ARMC9: variants seen among roughly 807,000 people sequenced by gnomAD.
The protein encoded by ARMC9 is lisH domain-containing protein ARMC9.
In ARMC9, 94 loss-of-function variants were observed where a neutral mutation model predicts 107.0. The ratio of observed to expected loss-of-function variants is 0.88; its 90% CI spans 0.74 to 1.04. ARMC9 has a LOEUF of 1.04. Ranked by LOEUF, ARMC9 falls within the 50% of genes least tolerant of loss-of-function variation. The pLI, the probability that ARMC9 is intolerant of heterozygous loss-of-function variation, is 0.00. For missense variants in ARMC9, 942 were observed against 1,030.1 expected (o/e 0.91, Z 1.17); for synonymous variants, 380 against 396.9 (o/e 0.96, Z 0.51).
intron 19 of ARMC9, among the ~76,000 whole-genome samples, chr2:231,317,815 A>G (rs933617494): frequency 6.6e-6 from 1 of 151,826 alleles, no homozygotes; most frequent in Non-Finnish European, 1.5e-5. Context: ...TGTACTTTTC[A>G]GCTCTAGAAT....
At chr2:231,265,422 G>C (rs1326448172) in intron 12 of ARMC9, among the ~76,000 whole-genome samples, 3 of 152,158 alleles carry the variant, frequency 2.0e-5, no homozygotes, top group African/African-American at 7.2e-5. Context: ...GCCATAAAAA[G>C]GAATGAAATA....
intron 23 of ARMC9, among the ~76,000 whole-genome samples, chr2:231,365,639 G>C (rs73098126): frequency 0.12 from 17,957 of 152,062 alleles, 3,562 homozygotes; most frequent in African/African-American, 0.41. Flanking sequence ...ACAGAATACA[G>C]CAGATAAAGG....
chr2:231,326,648 G>A (rs951855889), intron 19 of ARMC9, among the ~76,000 whole-genome samples: 10 of 152,206 alleles, frequency 6.6e-5, no homozygotes, highest in Non-Finnish European at 1.2e-4. Flanking sequence ...TTCCCCCAGC[G>A]CAGCCCTAGG....
intron 2 of ARMC9, among the ~76,000 whole-genome samples, chr2:231,206,988 C>A (rs2032103303): frequency 6.6e-6 from 1 of 152,200 alleles, no homozygotes; most frequent in Non-Finnish European, 1.5e-5. Flanking sequence ...CGAATATATT[C>A]TTTTTTAAAA....
At chr2:231,230,655 A>G (rs2035124442) in intron 7 of ARMC9, among the ~76,000 whole-genome samples, 1 of 152,168 alleles carries the variant, frequency 6.6e-6, no homozygotes, top group Non-Finnish European at 1.5e-5. Context: ...AACTAAAATC[A>G]ACAGATGCTC....
intron 3 of ARMC9, among the ~76,000 whole-genome samples, chr2:231,212,168 CGT>C (rs1187971354): frequency 6.6e-6 from 1 of 152,152 alleles, no homozygotes; most frequent in Non-Finnish European, 1.5e-5. Context: ...ATATAAGAAG[CGT>C]GTGTGTCTAC....
chr2:231,369,000 C>T (rs2045916772), intron 23 of ARMC9, among the ~76,000 whole-genome samples: 1 of 152,216 alleles, frequency 6.6e-6, no homozygotes, highest in East Asian at 1.9e-4. Context: ...AAAAGAATCC[C>T]ACAGTCTCCT....
intron 1 of ARMC9, among the ~76,000 whole-genome samples, chr2:231,203,092 C>A (rs1298678475): frequency 1.3e-5 from 2 of 152,202 alleles, no homozygotes; most frequent in African/African-American, 4.8e-5. Context: ...GAAGTCCCTC[C>A]CAGGTTTGAA....
At chr2:231,221,917 G>C (rs370462386) in intron 5 of ARMC9, among the ~76,000 whole-genome samples, 1 of 151,798 alleles carries the variant, frequency 6.6e-6, no homozygotes, top group East Asian at 1.9e-4. Context: ...ATGATTGGGT[G>C]GGGGTGGGAG....
chr2:231,242,079 A>G (rs1692147773), intron 9 of ARMC9, among the ~76,000 whole-genome samples: 1 of 152,198 alleles, frequency 6.6e-6, no homozygotes. Flanking sequence ...CAGTGCTGCT[A>G]AAGTTTTCTA....
Position 231,272,936 on chromosome 2 carries a change from A to C in ARMC9, c.1211-19A>C. ...ATTATTTCTGTCTTTCACCTGTTTCATCTCTGGTGTATTATCAGGTCGCCT... is the reference window on the plus strand; with the variant it reads ...ATTATTTCTGTCTTTCACCTGTTTCCTCTCTGGTGTATTATCAGGTCGCCT... On this transcript the variant is annotated intron_variant, in intron 13 of 24. Transcript: ENST00000611582. The C allele has an allele frequency of 6.2e-7, 1 of 1,604,320 alleles. No individual in the cohort carries two copies. Among genetic ancestry groups the C allele is most frequent in the Non-Finnish European group, 8.5e-7 (1 of 1,177,212 alleles).
chr2:231,232,379 A>C (rs2035314203), intron 7 of ARMC9, among the ~76,000 whole-genome samples: 1 of 151,934 alleles, frequency 6.6e-6, no homozygotes, highest in Non-Finnish European at 1.5e-5. Context: ...CTAATGTTTA[A>C]GGAGAATCTT....
rs765861058 is a variant in ARMC9, at chr2:231,375,214, G to A, written c.*3679G>A. 1.3e-5 allele frequency among the ~76,000 whole-genome samples: 2 copies of A among 152,204 alleles called. No individual in the cohort carries two copies. The highest frequency in any genetic ancestry group is 6.5e-5 in the Admixed American group (1 of 15,284). The stretch of plus-strand genomic sequence containing the variant: ...TGGTCAGAGGGCAGTCAGGGGCTTC[G>A]CTCATGTCTGGTAGTTGGCTGTTGG... On this transcript the variant is annotated 3_prime_UTR_variant, in exon 25 of 25. Transcript: ENST00000611582. The surrounding 1 kb of genome is among the most constrained non-coding windows in gnomAD (Gnocchi z 4.3).
At chr2:231,236,143 C>T (rs554945655) in intron 8 of ARMC9, among the ~76,000 whole-genome samples, 1 of 152,104 alleles carries the variant, frequency 6.6e-6, no homozygotes, top group East Asian at 1.9e-4. Context: ...AAAATATGTG[C>T]TAGCAAAAAA....
At chr2:231,279,635 C>T (rs1285117502) in intron 16 of ARMC9, among the ~76,000 whole-genome samples, 5 of 151,584 alleles carry the variant, frequency 3.3e-5, no homozygotes, top group African/African-American at 1.2e-4. Context: ...CTCAGCCTCC[C>T]AAGTAGCTGG....
chr2:231,355,882 T>C lies in ARMC9; in HGVS notation c.2079T>C (p.Ala693=). The change falls in exon 22 of 25, where the codon GCT becomes GCC. Residue 693 remains alanine (A), a synonymous_variant. Transcript: ENST00000611582. ...HPQALPAAHE[A]VYREGKPSTP... is the part of the protein sequence containing the mutation. ...AGGCCCTGCCAGCCGCTCACGAGGC[T>C]GTCTACAGGGAGGGCAAGCCCAGCA... The C allele has an allele frequency of 6.5e-7, 1 of 1,536,110 alleles. No homozygotes were observed. The highest frequency in any genetic ancestry group is 8.7e-7 in the Non-Finnish European group (1 of 1,146,904).
chr2:231,352,548 T>C (rs1376965091), intron 21 of ARMC9, among the ~76,000 whole-genome samples: 2 of 151,734 alleles, frequency 1.3e-5, no homozygotes, highest in Non-Finnish European at 2.9e-5. Flanking sequence ...GATCTGGGAC[T>C]CCTGACCTCA....
chr2:231,365,402 C>G (rs867467865), intron 23 of ARMC9, among the ~76,000 whole-genome samples: 3 of 152,142 alleles, frequency 2.0e-5, no homozygotes, highest in Admixed American at 1.3e-4. Context: ...GATGCTGAGT[C>G]TTTCCCTGTG....
At position 231,216,663 on chromosome 2, in the gene ARMC9, T is replaced by C; in HGVS notation, c.374T>C (p.Ile125Thr). The change falls in exon 5 of 25, where the codon ATT becomes ACT. Residue 125 changes from isoleucine (I) to threonine (T), a missense_variant. By Grantham distance (89) the Ile-to-Thr change is moderately conservative. Transcript: ENST00000611582. The stretch of plus-strand genomic sequence containing the variant: ...GACAAAGAGGAGCTGGATGAAAAGA[T>C]TTCCTACTTCAAAACCTACCTGGAG... Reference protein sequence around the residue: ...RPDKEELDEKISYFKTYLETK... With the variant: ...RPDKEELDEKTSYFKTYLETK... The C allele has an allele frequency of 1.2e-6, 2 of 1,613,754 alleles. No individual in the cohort carries two copies. Among genetic ancestry groups the C allele is most frequent in the African/African-American group, 2.7e-5 (2 of 75,000 alleles).
Sources: allele counts gnomAD v4.1 joint callset (sites outside exome capture counted in the v4.1 genomes callset), GRCh38; gene constraint gnomAD v4.1.1; non-coding constraint Gnocchi (gnomAD v3.1); transcripts MANE v1.5; gene names NCBI Gene and HGNC (gene_info 2026-07-23, HGNC 2026-07-21).